The following EYS variants were observed in gnomAD, a reference collection of about 807,000 sequenced individuals.
EYS encodes protein eyes shut homolog.
EYS carries 250 observed loss-of-function variants against 282.1 expected under a neutral mutation model. That is an observed-to-expected ratio of 0.89 (90% CI 0.80 to 0.98). EYS has a LOEUF of 0.98. Among genes scored for constraint, EYS ranks in the 50% least tolerant of loss-of-function variants. The pLI is 0.00. For synonymous variants in EYS, 1,355 were observed against 1,282.9 expected, an observed-to-expected ratio of 1.06 and a Z score of -1.20; for missense variants, 4,016 against 3,709.0, an observed-to-expected ratio of 1.08 and a Z score of -2.15.
chr6:64,352,357 G>A (rs1032444169), intron 29 of EYS, among the ~76,000 whole-genome samples: 9 of 151,342 alleles, frequency 5.9e-5, no homozygotes, highest in Admixed American at 1.3e-4. Flanking sequence ...GTTAATATAC[G>A]CAAAATATTT....
rs1221943541 is a variant in EYS at position 64,590,751 on chromosome 6, G to T, written c.5116C>A (p.Gln1706Lys). The change falls in exon 26 of 43, where the codon CAA (glutamine) becomes AAA (lysine). Residue 1706 changes from glutamine to lysine, a missense_variant. Physicochemically the swap from Gln to Lys is moderately conservative, Grantham distance 53. Transcript: ENST00000503581. ...ENILKLLKIR[Q>K]YGITMGPTEV... ...GTGGGTCCCATAGTTATGCCATATT[G>T]TCTTATTTTCAATAGTTTTAAAATG... is the stretch of plus-strand genomic sequence containing the variant. The T allele has an allele frequency of 3.9e-6, 6 of 1,550,686 alleles. No homozygotes were observed. Among genetic ancestry groups the T allele is most frequent in the Non-Finnish European group, 5.2e-6 (6 of 1,146,400 alleles).
At chr6:64,302,243 A>G (rs1769262026) in intron 30 of EYS, among the ~76,000 whole-genome samples, 2 of 152,102 alleles carry the variant, frequency 1.3e-5, no homozygotes, top group South Asian at 4.1e-4. Flanking sequence ...TACCTAAACA[A>G]TTTCAACTTA....
chr6:64,811,868 A>G (rs955292305), intron 22 of EYS, among the ~76,000 whole-genome samples: 2 of 152,158 alleles, frequency 1.3e-5, no homozygotes, highest in African/African-American at 4.8e-5. Context: ...GCAACACTAA[A>G]TGGACTAAGA....
chr6:65,110,841 T>G (rs6935872), intron 12 of EYS, among the ~76,000 whole-genome samples: 1 of 151,866 alleles, frequency 6.6e-6, no homozygotes, highest in East Asian at 1.9e-4. Flanking sequence ...ATTAAATCAA[T>G]TAATGCCATG....
At chr6:64,440,818 T>C (rs1774916306) in intron 26 of EYS, among the ~76,000 whole-genome samples, 1 of 152,006 alleles carries the variant, frequency 6.6e-6, no homozygotes, top group East Asian at 1.9e-4. Context: ...ATTGATGAAA[T>C]TAAAAAAAAT....
chr6:65,217,642 G>A (rs1196948527), intron 12 of EYS, among the ~76,000 whole-genome samples: 2 of 151,950 alleles, frequency 1.3e-5, no homozygotes, highest in South Asian at 2.1e-4. Context: ...TGACATATAG[G>A]AAATAAGCAG....
intron 15 of EYS, among the ~76,000 whole-genome samples, chr6:64,929,782 C>T (rs1768648406): frequency 6.6e-6 from 1 of 152,118 alleles, no homozygotes; most frequent in East Asian, 1.9e-4. Flanking sequence ...TATGTTGCCA[C>T]TGGCAACGTA....
At chr6:64,432,120 T>C (rs1367647929) in intron 28 of EYS, among the ~76,000 whole-genome samples, 1 of 152,132 alleles carries the variant, frequency 6.6e-6, no homozygotes, top group Non-Finnish European at 1.5e-5. Flanking sequence ...TCATTTGTTC[T>C]AGGTTATTTG....
At chr6:64,392,701 C>A (rs1419723794) in intron 28 of EYS, among the ~76,000 whole-genome samples, 1 of 148,204 alleles carries the variant, frequency 6.7e-6, no homozygotes, top group Non-Finnish European at 1.5e-5. Context: ...GACACCCTAA[C>A]ATCACAATTA....
chr6:65,489,333 T>C (rs57061813), intron 5 of EYS: 18,230 of 152,192 alleles, frequency 0.12, 1,236 homozygotes, highest in South Asian at 0.22. Flanking sequence ...ACAGACACTT[T>C]GCAAAAGAAT....
intron 2 of EYS, among the ~76,000 whole-genome samples, chr6:65,572,637 C>CGAT (rs1436835587): frequency 1.3e-5 from 2 of 152,030 alleles, no homozygotes; most frequent in African/African-American, 4.8e-5. Flanking sequence ...GAGCAACAGG[C>CGAT]GATACCATGT....
chr6:63,799,185 T>C (rs1012906150), intron 37 of EYS, among the ~76,000 whole-genome samples: 39 of 151,428 alleles, frequency 2.6e-4, no homozygotes, highest in African/African-American at 9.4e-4. Context: ...AGCTAATTTT[T>C]GTATTATTAG....
At chr6:64,716,886 T>C (rs1771418412) in intron 22 of EYS, among the ~76,000 whole-genome samples, 3 of 152,196 alleles carry the variant, frequency 2.0e-5, no homozygotes, top group Non-Finnish European at 2.9e-5. Context: ...TGCCACATAT[T>C]ATACAAAGTG....
intron 22 of EYS, among the ~76,000 whole-genome samples, chr6:64,798,513 A>G (rs545344532): frequency 4.5e-4 from 69 of 151,676 alleles, no homozygotes; most frequent in African/African-American, 1.6e-3. Context: ...CATGTTATCC[A>G]TGTAGTTCTG....
intron 33 of EYS, among the ~76,000 whole-genome samples, chr6:64,032,073 C>G (rs967900502): frequency 6.6e-6 from 1 of 152,158 alleles, no homozygotes; most frequent in Admixed American, 6.5e-5. Flanking sequence ...GCCAGCGAGA[C>G]CACGAACTCA....
intron 36 of EYS, among the ~76,000 whole-genome samples, chr6:63,842,174 G>A (rs537820196): frequency 1.3e-5 from 2 of 152,264 alleles, no homozygotes; most frequent in East Asian, 3.9e-4. Flanking sequence ...AGATCCTTGA[G>A]GAATCCCCAC....
At chr6:65,213,512 G>A (rs1395367460) in intron 12 of EYS, among the ~76,000 whole-genome samples, 2 of 152,044 alleles carry the variant, frequency 1.3e-5, no homozygotes, top group Non-Finnish European at 2.9e-5. Flanking sequence ...CTGTGTGACG[G>A]CTGGGCAATT....
At chr6:65,350,287 A>G (rs1256916176) in intron 9 of EYS, among the ~76,000 whole-genome samples, 1 of 151,610 alleles carries the variant, frequency 6.6e-6, no homozygotes, top group African/African-American at 2.4e-5. Flanking sequence ...CTTTGTTGAT[A>G]CAGCATTTCC....
chr6:65,395,625 C>CA (rs939428740), intron 7 of EYS, among the ~76,000 whole-genome samples: 1 of 152,130 alleles, frequency 6.6e-6, no homozygotes, highest in Non-Finnish European at 1.5e-5. Flanking sequence ...ATTAATTCCC[C>CA]AGAAGTTATT....
Sources: allele counts gnomAD v4.1 joint callset (sites outside exome capture counted in the v4.1 genomes callset), GRCh38; gene constraint gnomAD v4.1.1; transcripts MANE v1.5; gene names NCBI Gene and HGNC (gene_info 2026-07-23, HGNC 2026-07-21).